The following CUX1 variants were observed in gnomAD, a reference collection of about 807,000 sequenced individuals.
CUX1 encodes protein CASP.
CUX1 carries 31 observed loss-of-function variants against 158.8 expected under a neutral mutation model. The observed-to-expected ratio is 0.20, with a 90% CI of 0.15 to 0.26. The LOEUF is 0.26. Among genes scored for constraint, CUX1 ranks in the 10% least tolerant of loss-of-function variants. The pLI is 1.00. For synonymous variants in CUX1, 879 were observed against 862.1 expected (o/e 1.02, Z -0.34); for missense variants, 1,589 against 2,014.6 (o/e 0.79, Z 4.04).
intron 9 of CUX1, among the ~76,000 whole-genome samples, chr7:102,165,027 A>C (rs1554508275): frequency 6.6e-6 from 1 of 152,068 alleles, no homozygotes; most frequent in Non-Finnish European, 1.5e-5. Flanking sequence ...TAAAGGGGAG[A>C]CGGTGAGGGT....
At chr7:102,173,772 C>T (rs147873692) in intron 10 of CUX1, among the ~76,000 whole-genome samples, 99 of 152,266 alleles carry the variant, frequency 6.5e-4, no homozygotes, top group African/African-American at 2.4e-3. Flanking sequence ...CCTAGGGGCG[C>T]TTAAACACTT....
chr7:101,950,156 C>T (rs553430801), intron 2 of CUX1, among the ~76,000 whole-genome samples: 16 of 152,078 alleles, frequency 1.1e-4, no homozygotes, highest in African/African-American at 3.4e-4. Flanking sequence ...ATTACAGGCA[C>T]CCGCCACCAC....
intron 1 of CUX1, among the ~76,000 whole-genome samples, chr7:101,903,820 C>T (rs908476813): frequency 3.3e-5 from 5 of 151,482 alleles, no homozygotes; most frequent in Admixed American, 1.3e-4. Flanking sequence ...GGGTTTGTGA[C>T]GGGGTGAAAA....
At chr7:101,998,549 G>A (rs1563110335) in intron 2 of CUX1, among the ~76,000 whole-genome samples, 2 of 152,312 alleles carry the variant, frequency 1.3e-5, no homozygotes, top group South Asian at 4.1e-4. Flanking sequence ...CCAGCATCAC[G>A]ACCTGTTTGG....
chr7:102,268,942 T>A (rs1554545632), intron 14 of CUX1, among the ~76,000 whole-genome samples: 1 of 148,612 alleles, frequency 6.7e-6, no homozygotes, highest in South Asian at 2.1e-4. Flanking sequence ...ATTAATTACT[T>A]TTTTTTTTTT....
At chr7:101,944,837 C>T (rs930411468) in intron 2 of CUX1, among the ~76,000 whole-genome samples, 2 of 152,176 alleles carry the variant, frequency 1.3e-5, no homozygotes, top group African/African-American at 2.4e-5. Flanking sequence ...TTGCATCTGT[C>T]GCCACACTGG....
At position 102,194,152 on chromosome 7, in the gene CUX1, CTGAT is replaced by C; in HGVS notation, c.1125+263_1125+266del. The C allele has an allele frequency of 1.2e-5, 6 of 515,516 alleles. No individual in the cohort carries two copies. In the South Asian group the frequency reaches 1.4e-4, roughly 12 times the overall value. The allele number at this position is 515,516 out of a possible 1,614,324, so 31.9% of individuals were successfully genotyped here. A position where few individuals can be genotyped will look rare whatever the true frequency, so the allele number is the denominator to read the frequency against. On this transcript the variant is annotated intron_variant, in intron 13 of 23. Coordinates refer to ENST00000292535, the MANE Select transcript of CUX1 (RefSeq NM_181552.4). ...GAACAAGGGATTGCTTCATCCCTGA[CTGAT>C]AGGAGATGGGCACTACCAAAAAGCA...
chr7:101,958,250 G>GGTGTGTGCTGTGTAAGTCATGTC (rs1810006121), intron 2 of CUX1, among the ~76,000 whole-genome samples: 3 of 152,132 alleles, frequency 2.0e-5, no homozygotes, highest in Admixed American at 1.3e-4. Flanking sequence ...GTTGACATCT[G>GGTGTGTGCTGTGTAAGTCATGTC]GTGTGTGCTG....
intron 4 of CUX1, among the ~76,000 whole-genome samples, chr7:102,072,148 C>T (rs1485564984): frequency 6.6e-6 from 1 of 152,166 alleles, no homozygotes; most frequent in Non-Finnish European, 1.5e-5. Flanking sequence ...GCAACAAAAG[C>T]AGATATTTAC....
At chr7:102,061,805 C>T (rs1389569786) in intron 3 of CUX1, among the ~76,000 whole-genome samples, 1 of 152,160 alleles carries the variant, frequency 6.6e-6, no homozygotes, top group African/African-American at 2.4e-5. Flanking sequence ...AAGGCTGAGG[C>T]GGGTAGATCA....
At chr7:101,910,582 C>T (rs1429486809) in intron 1 of CUX1, among the ~76,000 whole-genome samples, 1 of 151,932 alleles carries the variant, frequency 6.6e-6, no homozygotes, top group Non-Finnish European at 1.5e-5. Context: ...AAGGCGAAAC[C>T]CCCTCTCTAC....
intron 4 of CUX1, 61 bp from the exon 5 acceptor site, chr7:102,097,303 C>T (rs1427059059): frequency 9.7e-6 from 15 of 1,548,048 alleles, no homozygotes; most frequent in Middle Eastern, 1.8e-4. Flanking sequence ...GCCTGTGTAC[C>T]GCCGTGGAGG....
intron 10 of CUX1, among the ~76,000 whole-genome samples, chr7:102,174,041 G>A (rs540626039): frequency 8.5e-5 from 13 of 152,270 alleles, no homozygotes; most frequent in African/African-American, 2.6e-4. Flanking sequence ...TGGAATCTCC[G>A]ATTCTAGAAG....
intron 21 of CUX1, among the ~76,000 whole-genome samples, chr7:102,232,767 T>C (rs1263753278): frequency 6.6e-6 from 1 of 152,160 alleles, no homozygotes; most frequent in Non-Finnish European, 1.5e-5. Flanking sequence ...CGAAATGCCC[T>C]CTGATCAGCC....
intron 11 of CUX1, chr7:102,187,163 G>A (rs1793715227): frequency 6.6e-6 from 1 of 152,182 alleles, no homozygotes. Context: ...AAGAAGACCT[G>A]CAGCCGTGCC....
chr7:102,170,932 T>G (rs1554510259), intron 10 of CUX1, among the ~76,000 whole-genome samples: 2 of 137,804 alleles, frequency 1.5e-5, no homozygotes, highest in African/African-American at 5.3e-5. Context: ...GTTTCCGCTG[T>G]GCCTTTCCAA....
chr7:101,998,102 G>A (rs954759069), intron 2 of CUX1, among the ~76,000 whole-genome samples: 5 of 152,208 alleles, frequency 3.3e-5, no homozygotes, highest in Admixed American at 1.3e-4. Flanking sequence ...GCACAGAGCC[G>A]GGTACTGTGC....
chr7:102,274,259 C>A, exon 16 of CUX1: 1 of 1,613,604 alleles, frequency 6.2e-7, no homozygotes, highest in Non-Finnish European at 8.5e-7. Flanking sequence ...CGCTGAGCAC[C>A]GCCTGGAGAA....
chr7:101,882,004 C>T (rs1799759698), intron 1 of CUX1, among the ~76,000 whole-genome samples: 1 of 124,004 alleles, frequency 8.1e-6, no homozygotes, highest in African/African-American at 3.1e-5. Flanking sequence ...ATAGTGAGAC[C>T]TTGTCTCTAC....
Sources: gnomAD v4.1 joint callset for allele counts (sites outside exome capture counted in the v4.1 genomes callset) on GRCh38, gnomAD v4.1.1 for gene constraint, MANE v1.5 for transcripts, NCBI Gene and HGNC (gene_info 2026-07-23, HGNC 2026-07-21) for gene names.